Variants in IPO7 observed in about 807,000 individuals in gnomAD.
IPO7 encodes importin 7.
A neutral mutation model predicts 136.4 loss-of-function variants in IPO7; 13 were observed. That is an observed-to-expected ratio of 0.10 (90% CI 0.06 to 0.15). The LOEUF (loss-of-function observed/expected upper bound fraction) is 0.15, where lower values mean the gene tolerates loss of function less well. Among genes scored for constraint, IPO7 ranks in the 10% least tolerant of loss-of-function variants. IPO7 has a pLI of 1.00. For missense variants in IPO7, 857 were observed against 1,240.6 expected, an observed-to-expected ratio of 0.69 and a Z score of 4.65; for synonymous variants, 403 against 404.4, an observed-to-expected ratio of 1.00 and a Z score of 0.04.
intron 12 of IPO7, among the ~76,000 whole-genome samples, chr11:9,427,302 A>G (rs1855225143): frequency 6.6e-6 from 1 of 151,948 alleles, no homozygotes; most frequent in African/African-American, 2.4e-5. Context: ...GTTCTGTTAT[A>G]CAGGTTGGAG....
Position 9,394,282 on chromosome 11 carries a change from A to G in IPO7, c.85-9008A>G, listed in dbSNP as rs564991141. 1.4e-4 allele frequency among the ~76,000 whole-genome samples: 21 copies of G among 152,284 alleles called. No individual in the cohort carries two copies. In the South Asian group the frequency reaches 4.3e-3, roughly 32 times the overall value. On this transcript the variant is annotated intron_variant, in intron 1 of 24. Transcript: ENST00000379719. ...ATGCTAGTAAGGGGGCAGGGATAAG[A>G]TTGTAAGTTAAAAGGGTGGCCATAT... is the stretch of plus-strand genomic sequence containing the variant.
In IPO7 at chr11:9,418,202, T is replaced by C. The variant is rs550269259; in HGVS notation, c.726+1054T>C. Among the ~76,000 whole-genome samples the C allele has an allele frequency of 7.4e-4, 113 of 151,898 alleles. 2 individuals are homozygous for C. The Middle Eastern group carries it at 0.01, about 14-fold the overall frequency. Reference sequence around the variant, plus strand: ...TCCCTGCCTCAGCCTCCCAAGTAGCTGGGATTACAGGTGCCTGTCACCATG... The same window carrying C: ...TCCCTGCCTCAGCCTCCCAAGTAGCCGGGATTACAGGTGCCTGTCACCATG... On this transcript the variant is annotated intron_variant, in intron 6 of 24. Transcript: ENST00000379719.
At chr11:9,403,408 ATTG>A (rs766077051) in intron 2 of IPO7, 37 bp downstream of exon 2, 1 of 1,460,664 alleles carries the variant, frequency 6.8e-7, no homozygotes, top group African/African-American at 1.4e-5. Flanking sequence ...TATGTAATCT[ATTG>A]TTTAAAAGGT....
intron 15 of IPO7, among the ~76,000 whole-genome samples, 161 bp downstream of exon 15, chr11:9,429,995 G>A (rs1176407826): frequency 6.6e-6 from 1 of 152,154 alleles, no homozygotes; most frequent in East Asian, 1.9e-4. Flanking sequence ...TGGTCCGGGG[G>A]AGATGGCTTT....
chr11:9,433,918 A>G (rs1241205999), intron 18 of IPO7, 72 bp downstream of exon 18: 4 of 1,399,548 alleles, frequency 2.9e-6, no homozygotes, highest in African/African-American at 3.0e-5. Flanking sequence ...TCATTTGAAC[A>G]TACACTTTTT....
chr11:9,418,461 G>C (rs751255113), intron 6 of IPO7, among the ~76,000 whole-genome samples: 1 of 152,070 alleles, frequency 6.6e-6, no homozygotes, highest in African/African-American at 2.4e-5. Flanking sequence ...ACACATGGGA[G>C]GGTTATGTAA....
intron 3 of IPO7, among the ~76,000 whole-genome samples, chr11:9,409,255 T>A (rs1184644936): frequency 1.3e-5 from 2 of 151,872 alleles, no homozygotes; most frequent in Non-Finnish European, 1.5e-5. Flanking sequence ...ATTACAGGCG[T>A]GCACCAGCAT....
intron 24 of IPO7, 85 bp from the exon 25 acceptor site, chr11:9,445,012 C>A: frequency 1.2e-6 from 1 of 838,364 alleles, no homozygotes; most frequent in South Asian, 1.4e-5. Flanking sequence ...GATGGTTAAG[C>A]TACTGGCTTG....
intron 20 of IPO7, among the ~76,000 whole-genome samples, 197 bp from the exon 21 acceptor site, chr11:9,437,557 C>T (rs1014795349): frequency 6.6e-6 from 1 of 152,150 alleles, no homozygotes; most frequent in Non-Finnish European, 1.5e-5. Context: ...CCCGGCCCGT[C>T]GTGAGCTTTT....
intron 4 of IPO7, among the ~76,000 whole-genome samples, chr11:9,413,419 G>A (rs964315740): frequency 1.3e-5 from 2 of 151,972 alleles, no homozygotes; most frequent in South Asian, 2.1e-4. Context: ...CTTAAGGATG[G>A]TAATAATAAT....
chr11:9,397,594 T>C (rs1164804382), intron 1 of IPO7, among the ~76,000 whole-genome samples: 1 of 151,368 alleles, frequency 6.6e-6, no homozygotes, highest in East Asian at 2.0e-4. Context: ...GTTCTAATCA[T>C]ATAAAGTAGT....
intron 2 of IPO7, among the ~76,000 whole-genome samples, chr11:9,408,056 T>C (rs538757054): frequency 2.2e-4 from 34 of 152,344 alleles, no homozygotes; most frequent in Non-Finnish European, 1.2e-4. Flanking sequence ...ATGCTATTAT[T>C]TTTCTGTGAT....
intron 3 of IPO7, among the ~76,000 whole-genome samples, chr11:9,409,310 T>C (rs1378158969): frequency 6.6e-6 from 1 of 152,056 alleles, no homozygotes; most frequent in East Asian, 1.9e-4. Context: ...GGTTTTACCA[T>C]GTTGGCCACG....
intron 10 of IPO7, 97 bp from the exon 11 acceptor site, chr11:9,424,817 G>T: frequency 1.3e-6 from 1 of 785,846 alleles, no homozygotes; most frequent in Non-Finnish European, 2.1e-6. Context: ...AGGGATCTGG[G>T]ATCATTTTCA....
intron 12 of IPO7, 52 bp downstream of exon 12, chr11:9,425,314 A>T (rs1330213950): frequency 1.8e-6 from 2 of 1,082,222 alleles, no homozygotes; most frequent in Non-Finnish European, 2.9e-6. Context: ...GTTTTAAAAA[A>T]TAAATAGCCA....
intron 1 of IPO7, among the ~76,000 whole-genome samples, chr11:9,386,536 T>C (rs1854554293): frequency 6.6e-6 from 1 of 152,214 alleles, no homozygotes; most frequent in South Asian, 2.1e-4. Context: ...TCGCGTATTA[T>C]TTTGACTAAT....
At position 9,408,704 on chromosome 11, in the gene IPO7, G is replaced by GTTT. The variant is rs377057603; in HGVS notation, c.320+89_320+91dup. Reference sequence around the variant, plus strand: ...AACTTTCAGGGTTTTTTGTTTTTTGGTTTTTTTTTTTTTTTTTTTTTTTTT... The same window carrying GTTT: ...AACTTTCAGGGTTTTTTGTTTTTTGGTTTTTTTTTTTTTTTTTTTTTTTTTTTT... On this transcript the variant is annotated intron_variant, in intron 3 of 24. Transcript: ENST00000379719. 6.6e-3 allele frequency: 1,145 copies of GTTT among 172,960 alleles called. 25 individuals are homozygous for GTTT. Among genetic ancestry groups the GTTT allele is most frequent in the South Asian group, 0.011 (78 of 7,198 alleles). The allele number at this position is 172,960 out of a possible 1,614,324, so 10.7% of individuals were successfully genotyped here.
chr11:9,398,658 A>G (rs72851888), intron 1 of IPO7, among the ~76,000 whole-genome samples: 16,010 of 152,288 alleles, frequency 0.11, 1,136 homozygotes, highest in Non-Finnish European at 0.15. Flanking sequence ...GTTTCAGTAC[A>G]TGTATACAAC....
At chr11:9,430,682 A>G in intron 15 of IPO7, 193 bp from the exon 16 acceptor site, 2 of 529,862 alleles carry the variant, frequency 3.8e-6, no homozygotes, top group Non-Finnish European at 3.3e-6. Context: ...GAAGTCAAGT[A>G]GCTTGTTTAA....
Sources: gnomAD v4.1 joint callset for allele counts (sites outside exome capture counted in the v4.1 genomes callset) on GRCh38, gnomAD v4.1.1 for gene constraint, MANE v1.5 for transcripts, NCBI Gene and HGNC (gene_info 2026-07-23, HGNC 2026-07-21) for gene names.